The following CRADD variants were observed in gnomAD, a reference collection of about 807,000 sequenced individuals.
CRADD encodes the protein CARD and death domain containing adaptor protein.
A neutral mutation model predicts 15.5 loss-of-function variants in CRADD; 9 were observed. That is an observed-to-expected ratio of 0.58 (90% CI 0.35 to 1.01). CRADD has a LOEUF of 1.01. CRADD is among the 50% of genes least tolerant of loss of function. The probability of loss-of-function intolerance (pLI) is 0.02; values close to 1 mark genes in which losing one functional copy is unlikely to be tolerated. For synonymous variants in CRADD, 118 were observed against 107.6 expected (o/e 1.10, Z -0.60); for missense variants, 227 against 250.3 (o/e 0.91, Z 0.63).
At chr12:93,808,673 T>C (rs1048686996) in intron 2 of CRADD, among the ~76,000 whole-genome samples, 4 of 152,148 alleles carry the variant, frequency 2.6e-5, no homozygotes, top group Non-Finnish European at 5.9e-5. Flanking sequence ...AGTCCAGCTC[T>C]TTGTGGCTTC....
chr12:93,891,740 G>A (rs1958577196), intron 2 of CRADD, among the ~76,000 whole-genome samples: 1 of 152,110 alleles, frequency 6.6e-6, no homozygotes, highest in African/African-American at 2.4e-5. Context: ...AACAGGCTGA[G>A]GTTCAGTAAG....
chr12:93,838,073 G>C (rs1221966601), intron 2 of CRADD: 1 of 151,936 alleles, frequency 6.6e-6, no homozygotes, highest in African/African-American at 2.4e-5. Flanking sequence ...CTTTGGAGTG[G>C]GTTTCACTTA....
chr12:93,696,040 A>T (rs1955697396), intron 2 of CRADD, among the ~76,000 whole-genome samples: 1 of 152,246 alleles, frequency 6.6e-6, no homozygotes, highest in Non-Finnish European at 1.5e-5. Flanking sequence ...ATGAGATATA[A>T]CCTCATACCT....
In CRADD at chr12:93,712,199, G is replaced by T. The variant is rs1393761230; in HGVS notation, c.298+33127G>T. Reference sequence around the variant, plus strand: ...AAAGAGGTACATACTTCGTAGAGTTGTTAAGAGGATTAAACTAGTTACTAT... The same window carrying T: ...AAAGAGGTACATACTTCGTAGAGTTTTTAAGAGGATTAAACTAGTTACTAT... On this transcript the variant is annotated intron_variant, in intron 2 of 2. Coordinates refer to ENST00000332896, the MANE Select transcript of CRADD (RefSeq NM_003805.5). 2.0e-5 allele frequency among the ~76,000 whole-genome samples: 3 copies of T among 152,178 alleles called. No homozygotes were observed. In the East Asian group the frequency reaches 5.8e-4, roughly 29 times the overall value.
At chr12:93,788,023 G>A (rs529174475) in intron 2 of CRADD, among the ~76,000 whole-genome samples, 1 of 152,252 alleles carries the variant, frequency 6.6e-6, no homozygotes, top group South Asian at 2.1e-4. Flanking sequence ...TCTCTTTATT[G>A]CATTTGAAAT....
At chr12:93,687,219 G>A (rs937017007) in intron 2 of CRADD, among the ~76,000 whole-genome samples, 11 of 152,140 alleles carry the variant, frequency 7.2e-5, no homozygotes, top group Non-Finnish European at 1.0e-4. Context: ...TTGCCCCAGC[G>A]GAGATGCCTC....
At chr12:93,679,458 G>A (rs1955236238) in intron 2 of CRADD, among the ~76,000 whole-genome samples, 1 of 152,150 alleles carries the variant, frequency 6.6e-6, no homozygotes, top group Non-Finnish European at 1.5e-5. Context: ...ATGCCCTTTG[G>A]ATTTGAAGTT....
rs941329623 is a variant in CRADD, at chr12:93,842,479, G to T, written c.299-7491G>T. ...TAAGATGATCATCAGCTCCTGGAAA[G>T]GTGTACGTTGAGTTCCCTTTTGTGC... is the stretch of plus-strand genomic sequence containing the variant. On this transcript the variant is annotated intron_variant, in intron 2 of 2. Transcript: ENST00000332896. Among the ~76,000 whole-genome samples, 11 of 152,290 alleles carry T rather than the reference G, an allele frequency of 7.2e-5. No homozygotes were observed. The East Asian group carries it at 1.4e-3, about 19-fold the overall frequency.
intron 2 of CRADD, among the ~76,000 whole-genome samples, chr12:93,818,490 G>A (rs1467653959): frequency 6.6e-6 from 1 of 152,190 alleles, no homozygotes; most frequent in Non-Finnish European, 1.5e-5. Context: ...GGTGACCTGT[G>A]TCTTCTGGTT....
At chr12:93,769,086 AT>A (rs959392774) in intron 2 of CRADD, among the ~76,000 whole-genome samples, 74 of 146,154 alleles carry the variant, frequency 5.1e-4, no homozygotes, top group Non-Finnish European at 4.1e-4. Flanking sequence ...TACTTTATTT[AT>A]TTTTTTTTTT....
intron 2 of CRADD, among the ~76,000 whole-genome samples, chr12:93,682,069 A>G (rs1445534777): frequency 1.3e-5 from 2 of 152,208 alleles, no homozygotes; most frequent in East Asian, 1.9e-4. Context: ...CTAAAATTAA[A>G]TTGGGATTTA....
chr12:93,780,308 C>T (rs1957190919), intron 2 of CRADD, among the ~76,000 whole-genome samples: 1 of 152,206 alleles, frequency 6.6e-6, no homozygotes, highest in South Asian at 2.1e-4. Context: ...GTTGTGACTA[C>T]AATTTCCTGA....
Position 93,694,658 on chromosome 12 carries a change from C to A in CRADD, c.298+15586C>A, listed in dbSNP as rs113877547. Among the ~76,000 whole-genome samples, 1,412 of 152,202 alleles carry A rather than the reference C, an allele frequency of 9.3e-3. 34 individuals are homozygous for A. Among genetic ancestry groups the A allele is most frequent in the African/African-American group, 0.032 (1,346 of 41,552 alleles). On this transcript the variant is annotated intron_variant, in intron 2 of 2. Coordinates refer to ENST00000332896, the MANE Select transcript of CRADD (RefSeq NM_003805.5). ...ATTAACATAAAAATCAGTAGTGTTT[C>A]TGTACACAAACAGCAAACTATTTGA...
chr12:93,758,001 G>A (rs1419732330), intron 2 of CRADD, among the ~76,000 whole-genome samples: 2 of 152,194 alleles, frequency 1.3e-5, no homozygotes, highest in Non-Finnish European at 2.9e-5. Flanking sequence ...GAGGGCACAG[G>A]ACCCTGTGTC....
intron 2 of CRADD, among the ~76,000 whole-genome samples, chr12:93,736,239 T>G (rs1956566764): frequency 6.6e-6 from 1 of 152,190 alleles, no homozygotes; most frequent in Non-Finnish European, 1.5e-5. Context: ...TAGATTTGTA[T>G]TTATCAAAGC....
chr12:93,863,262 ACAG>A (rs1355713844), intron 2 of CRADD, among the ~76,000 whole-genome samples: 1 of 152,070 alleles, frequency 6.6e-6, no homozygotes, highest in East Asian at 1.9e-4. Flanking sequence ...TTGCCCTATA[ACAG>A]CAGCCCCGAG....
intron 2 of CRADD, among the ~76,000 whole-genome samples, chr12:93,810,538 C>T (rs1051559976): frequency 4.1e-4 from 35 of 86,412 alleles, no homozygotes; most frequent in African/African-American, 6.3e-4. Flanking sequence ...GCAACAAGAG[C>T]GCAAATCAGT....
At position 93,785,736 on chromosome 12, in the gene CRADD, G is replaced by A. The variant is rs556772123; in HGVS notation, c.299-64234G>A. 4.6e-5 allele frequency among the ~76,000 whole-genome samples: 7 copies of A among 152,300 alleles called. No individual in the cohort carries two copies. The East Asian group carries it at 1.3e-3, about 29-fold the overall frequency. On this transcript the variant is annotated intron_variant, in intron 2 of 2. Coordinates refer to ENST00000332896, the MANE Select transcript of CRADD (RefSeq NM_003805.5). ...AGAATGGTGTTACCCTACTTCACAG[G>A]CCATTAAATCATATATATGTTTGGT...
intron 2 of CRADD, among the ~76,000 whole-genome samples, chr12:93,818,909 A>G (rs563004603): frequency 2.0e-5 from 3 of 152,366 alleles, no homozygotes; most frequent in East Asian, 1.9e-4. Context: ...ATAGAGTGCA[A>G]CCAGGTAAGG....
Sources: allele counts gnomAD v4.1 joint callset (sites outside exome capture counted in the v4.1 genomes callset), GRCh38; gene constraint gnomAD v4.1.1; transcripts MANE v1.5; gene names NCBI Gene and HGNC (gene_info 2026-07-23, HGNC 2026-07-21).